LRCH3: variants seen among roughly 807,000 people sequenced by gnomAD.
LRCH3 encodes the protein DISP complex protein LRCH3.
LRCH3 carries 68 observed loss-of-function variants against 104.5 expected under a neutral mutation model. The observed-to-expected ratio is 0.65, with a 90% CI of 0.54 to 0.80. LRCH3 has a LOEUF of 0.80. LRCH3 is among the 30% of genes least tolerant of loss of function. The probability of loss-of-function intolerance (pLI) is 0.00; values close to 1 mark genes in which losing one functional copy is unlikely to be tolerated. For synonymous variants in LRCH3, 344 were observed against 361.3 expected (o/e 0.95, Z 0.54); for missense variants, 951 against 953.9 (o/e 1.00, Z 0.04).
chr3:197,835,631 T>C, intron 8 of LRCH3, 43 bp from the exon 9 acceptor site: 2 of 1,449,988 alleles, frequency 1.4e-6, no homozygotes, highest in Non-Finnish European at 1.8e-6. Flanking sequence ...AATGTTTTTT[T>C]CTGGTGTGTG....
In LRCH3 at chr3:197,844,577, G is replaced by C. The variant is rs115150888; in HGVS notation, c.1329-2832G>C. Among the ~76,000 whole-genome samples, 291 of 151,502 alleles carry C rather than the reference G, an allele frequency of 1.9e-3. 3 individuals are homozygous for C. The highest frequency in any genetic ancestry group is 6.5e-3 in the African/African-American group (270 of 41,272). The stretch of plus-strand genomic sequence containing the variant: ...AGCCTTGAAAACAGTGTTTGAAGAA[G>C]TATAGAGAGGAATGAATAACATCAC... On this transcript the variant is annotated intron_variant, in intron 10 of 20. Coordinates refer to ENST00000425562, the MANE Select transcript of LRCH3 (RefSeq NM_001365715.1).
chr3:197,816,275 T>A (rs1355209527), intron 2 of LRCH3, among the ~76,000 whole-genome samples: 3 of 152,084 alleles, frequency 2.0e-5, no homozygotes, highest in Admixed American at 2.0e-4. Flanking sequence ...TAGATGTGGG[T>A]TGTTTTTTTT....
chr3:197,796,532 A>G (rs1447426349), intron 1 of LRCH3, among the ~76,000 whole-genome samples: 2 of 152,344 alleles, frequency 1.3e-5, no homozygotes, highest in Non-Finnish European at 1.5e-5. Flanking sequence ...AACCTGTAAG[A>G]CTAGAAAGAT....
intron 4 of LRCH3, among the ~76,000 whole-genome samples, chr3:197,823,702 C>CT (rs1294403366): frequency 6.6e-6 from 1 of 151,654 alleles, no homozygotes; most frequent in Non-Finnish European, 1.5e-5. Context: ...GTTCCCCTGG[C>CT]TGGTCTCCTG....
intron 15 of LRCH3, among the ~76,000 whole-genome samples, chr3:197,863,356 T>C (rs990261785): frequency 1.3e-5 from 2 of 152,070 alleles, no homozygotes; most frequent in Admixed American, 6.6e-5. Flanking sequence ...TCCGCCTCCA[T>C]GTTCAAGCGA....
At chr3:197,864,087 C>T (rs1050435116) in intron 15 of LRCH3, among the ~76,000 whole-genome samples, 6 of 152,092 alleles carry the variant, frequency 3.9e-5, no homozygotes, top group African/African-American at 1.4e-4. Context: ...AGGTGGATCA[C>T]CTGAGGGTCG....
intron 20 of LRCH3, 70 bp downstream of exon 20, chr3:197,875,845 C>T: frequency 1.0e-6 from 1 of 1,004,772 alleles, no homozygotes; most frequent in Non-Finnish European, 1.5e-6. Flanking sequence ...AAATGTAAAT[C>T]TCTAAAATCT....
intron 10 of LRCH3, among the ~76,000 whole-genome samples, chr3:197,842,975 C>T (rs1236386170): frequency 6.6e-6 from 1 of 151,368 alleles, no homozygotes; most frequent in Non-Finnish European, 1.5e-5. Flanking sequence ...GTCCTAGCTA[C>T]TTGGGAGGCT....
At chr3:197,837,661 AT>A (rs749440877) in intron 9 of LRCH3, among the ~76,000 whole-genome samples, 19 of 150,096 alleles carry the variant, frequency 1.3e-4, no homozygotes, top group South Asian at 4.2e-4. Context: ...ACATGGTATG[AT>A]TTTTTTTTTA....
At chr3:197,847,842 T>A in intron 11 of LRCH3, 30 bp from the exon 12 acceptor site, 1 of 1,607,544 alleles carries the variant, frequency 6.2e-7, no homozygotes, top group African/African-American at 1.3e-5. Context: ...CATTTTTACT[T>A]TTGTATGCAC....
Position 197,870,151 on chromosome 3 carries a change from T to C in LRCH3, c.1874-9T>C, listed in dbSNP as rs781765047. 2.6e-5 allele frequency: 42 copies of C among 1,610,362 alleles called. No homozygotes were observed. The Admixed American group carries it at 6.4e-4, about 24-fold the overall frequency. ...TGCCTTTCTGTCTTACATATTAATA[T>C]TTTTATAGGTCATGCTTCACCCCTT... is the stretch of plus-strand genomic sequence containing the variant. On this transcript the variant is annotated splice_polypyrimidine_tract_variant and intron_variant, in intron 17 of 20. Transcript: ENST00000425562.
rs542061723 is a variant in LRCH3, at chr3:197,880,188, A to T, written c.2209-3353A>T. 4.6e-5 allele frequency among the ~76,000 whole-genome samples: 7 copies of T among 151,260 alleles called. 1 individual carries two copies. In the South Asian group the frequency reaches 6.3e-4, roughly 14 times the overall value. The stretch of plus-strand genomic sequence containing the variant: ...TCTCGATCTCCTGACCTCGTGATCC[A>T]CCCGCCTCGGCCTCCCAAAGTGCTG... On this transcript the variant is annotated intron_variant, in intron 20 of 20. Transcript: ENST00000425562.
rs1167883674 is a variant in LRCH3 at position 197,886,821 on chromosome 3, A to C, written c.*3155A>C. On this transcript the variant is annotated 3_prime_UTR_variant, in exon 21 of 21. Coordinates refer to ENST00000425562, the MANE Select transcript of LRCH3 (RefSeq NM_001365715.1). ...CTCTGTCTCAAAAAAAAAAAAAAAA[A>C]AAAACCCACCAAACCAAAAATATAC... is the stretch of plus-strand genomic sequence containing the variant. 4.6e-5 allele frequency: 7 copies of C among 151,994 alleles called. No homozygotes were observed. Among genetic ancestry groups the C allele is most frequent in the Non-Finnish European group, 1.0e-4 (7 of 68,164 alleles). 9.4% of individuals were successfully genotyped at this position (151,994 alleles called of 1,614,324 possible). A position where few individuals can be genotyped will look rare whatever the true frequency, so the allele number is the denominator to read the frequency against.
At chr3:197,807,045 AAAAAAC>A (rs1225051042) in intron 1 of LRCH3, among the ~76,000 whole-genome samples, 22 of 151,744 alleles carry the variant, frequency 1.4e-4, no homozygotes, top group Non-Finnish European at 2.5e-4. Context: ...TGTCAAAAAA[AAAAAAC>A]AAACAAACAT....
intron 4 of LRCH3, among the ~76,000 whole-genome samples, 192 bp downstream of exon 4, chr3:197,820,622 G>A (rs1028483383): frequency 4.6e-5 from 7 of 152,174 alleles, no homozygotes; most frequent in Non-Finnish European, 1.0e-4. Context: ...ACCAGCCTGG[G>A]CAATATAGGG....
chr3:197,829,517 A>G, intron 5 of LRCH3, 47 bp from the exon 6 acceptor site: 1 of 1,212,492 alleles, frequency 8.2e-7, no homozygotes, highest in Non-Finnish European at 1.2e-6. Context: ...AAAGGAGCAT[A>G]CTTCAGATGA....
chr3:197,839,758 T>G (rs1174608027), intron 10 of LRCH3, among the ~76,000 whole-genome samples: 1 of 152,062 alleles, frequency 6.6e-6, no homozygotes, highest in Non-Finnish European at 1.5e-5. Context: ...GACGGGAGGC[T>G]TGCTTGAGCC....
intron 4 of LRCH3, among the ~76,000 whole-genome samples, chr3:197,825,974 G>T (rs1389100289): frequency 6.6e-6 from 1 of 152,052 alleles, no homozygotes; most frequent in African/African-American, 2.4e-5. Flanking sequence ...TGAAACTAAA[G>T]ATAGTCTAGC....
intron 20 of LRCH3, 48 bp downstream of exon 20, chr3:197,875,823 C>A: frequency 1.6e-6 from 2 of 1,253,602 alleles, no homozygotes; most frequent in Non-Finnish European, 2.2e-6. Flanking sequence ...CTTGGTTGTC[C>A]TAAAATTTTA....
Sources: gnomAD v4.1 joint callset for allele counts (sites outside exome capture counted in the v4.1 genomes callset) on GRCh38, gnomAD v4.1.1 for gene constraint, MANE v1.5 for transcripts, NCBI Gene and HGNC (gene_info 2026-07-23, HGNC 2026-07-21) for gene names.